The following PDE10A variants were observed in gnomAD, a reference collection of about 807,000 sequenced individuals.
PDE10A encodes the protein cAMP and cAMP-inhibited cGMP 3',5'-cyclic phosphodiesterase 10A.
Under a neutral mutation model 97.7 loss-of-function variants are expected in PDE10A, and 39 were observed. The ratio of observed to expected loss-of-function variants is 0.40; its 90% CI spans 0.31 to 0.52. PDE10A has a LOEUF of 0.52. Among genes scored for constraint, PDE10A ranks in the 20% least tolerant of loss-of-function variants. The pLI is 0.56. For missense variants in PDE10A, 731 were observed against 1,047.8 expected (o/e 0.70, Z 4.17); for synonymous variants, 371 against 376.8 (o/e 0.98, Z 0.18).
At chr6:165,647,756 C>T (rs930990946) in intron 1 of PDE10A, among the ~76,000 whole-genome samples, 3 of 152,180 alleles carry the variant, frequency 2.0e-5, no homozygotes, top group African/African-American at 4.8e-5. Flanking sequence ...CCCCTTTGGA[C>T]GTCACTTGCA....
intron 1 of PDE10A, among the ~76,000 whole-genome samples, chr6:165,597,342 A>G (rs80178737): frequency 0.014 from 2,171 of 152,290 alleles, 53 homozygotes; most frequent in African/African-American, 0.047. Flanking sequence ...TTCTTCTAAT[A>G]TAGAGTACTA....
intron 1 of PDE10A, among the ~76,000 whole-genome samples, chr6:165,693,337 C>A (rs908603957): frequency 2.0e-5 from 3 of 151,926 alleles, no homozygotes; most frequent in African/African-American, 7.3e-5. Context: ...TCAAGATCAG[C>A]CTGGCCAACA....
chr6:165,554,081 C>T (rs1338802896), intron 1 of PDE10A, among the ~76,000 whole-genome samples: 2 of 152,082 alleles, frequency 1.3e-5, no homozygotes, highest in African/African-American at 2.4e-5. Context: ...CAAATATAGG[C>T]TATTTTCCTT....
intron 10 of PDE10A, among the ~76,000 whole-genome samples, chr6:165,419,938 CACT>C (rs938713179): frequency 3.3e-5 from 5 of 152,282 alleles, no homozygotes; most frequent in South Asian, 4.1e-4. Flanking sequence ...CGTTTGTGCT[CACT>C]ACTACTATAG....
chr6:165,691,342 G>C (rs974070861), intron 1 of PDE10A, among the ~76,000 whole-genome samples: 3 of 151,168 alleles, frequency 2.0e-5, no homozygotes, highest in African/African-American at 4.9e-5. Flanking sequence ...TACATTTTCT[G>C]TATTTCCATA....
At chr6:165,442,285 C>T (rs963120098) in intron 5 of PDE10A, among the ~76,000 whole-genome samples, 4 of 151,972 alleles carry the variant, frequency 2.6e-5, no homozygotes, top group South Asian at 2.1e-4. Context: ...TAATGCTATC[C>T]CTCCCCGCTC....
chr6:165,386,159 GGTTT>G (rs1309226853), intron 17 of PDE10A, among the ~76,000 whole-genome samples: 1 of 152,040 alleles, frequency 6.6e-6, no homozygotes, highest in African/African-American at 2.4e-5. Context: ...CATCGCGGAG[GGTTT>G]GCCAAAATGG....
chr6:165,965,909 GT>G (rs1226888333), intron 1 of PDE10A, among the ~76,000 whole-genome samples: 1 of 152,162 alleles, frequency 6.6e-6, no homozygotes, highest in African/African-American at 2.4e-5. Flanking sequence ...CCTTTTGTGA[GT>G]TTTGGTCATA....
chr6:165,584,043 G>A (rs1785766342), intron 1 of PDE10A, among the ~76,000 whole-genome samples: 1 of 152,192 alleles, frequency 6.6e-6, no homozygotes, highest in Non-Finnish European at 1.5e-5. Flanking sequence ...ACTGGCTGGG[G>A]TGATTGATCC....
intron 1 of PDE10A, 34 bp from the exon 2 acceptor site, chr6:165,543,602 A>T (rs767334742): frequency 1.2e-5 from 18 of 1,550,710 alleles, no homozygotes; most frequent in Middle Eastern, 1.7e-4. Context: ...AAATTCACCT[A>T]TACAACATCC....
intron 1 of PDE10A, among the ~76,000 whole-genome samples, chr6:165,748,888 C>G (rs1399141885): frequency 6.6e-6 from 1 of 152,028 alleles, no homozygotes; most frequent in East Asian, 1.9e-4. Context: ...TTATATGAAC[C>G]TGTGGGACCA....
chr6:165,690,540 G>A (rs1378524806), intron 1 of PDE10A, among the ~76,000 whole-genome samples: 1 of 152,110 alleles, frequency 6.6e-6, no homozygotes, highest in Non-Finnish European at 1.5e-5. Flanking sequence ...TCAAAACCCT[G>A]CAATGACTCT....
At chr6:165,847,933 A>G (rs140549709) in intron 1 of PDE10A, among the ~76,000 whole-genome samples, 32 of 152,340 alleles carry the variant, frequency 2.1e-4, no homozygotes, top group African/African-American at 7.5e-4. Context: ...TTGCATTTCA[A>G]TAGCATAGGT....
At chr6:165,506,093 C>G (rs562942289) in intron 2 of PDE10A, among the ~76,000 whole-genome samples, 1 of 152,086 alleles carries the variant, frequency 6.6e-6, no homozygotes, top group African/African-American at 2.4e-5. Context: ...TTTTTCCATT[C>G]CCATAACAAC....
intron 2 of PDE10A, among the ~76,000 whole-genome samples, chr6:165,516,004 G>C (rs1781782743): frequency 6.6e-6 from 1 of 152,166 alleles, no homozygotes; most frequent in Non-Finnish European, 1.5e-5. Context: ...CGGTGAAACT[G>C]TAAATAAGAA....
intron 18 of PDE10A, among the ~76,000 whole-genome samples, chr6:165,369,019 C>G (rs1419931345): frequency 1.3e-5 from 2 of 151,940 alleles, no homozygotes; most frequent in Non-Finnish European, 2.9e-5. Flanking sequence ...GCTGAGGGTC[C>G]TGTCTGTTAG....
At chr6:165,599,905 T>C in intron 1 of PDE10A, among the ~76,000 whole-genome samples, 1 of 152,126 alleles carries the variant, frequency 6.6e-6, no homozygotes, top group East Asian at 1.9e-4. Flanking sequence ...GCTTTCTTTC[T>C]ACCCGGAGGC....
intron 1 of PDE10A, among the ~76,000 whole-genome samples, chr6:165,985,073 G>A (rs1366052583): frequency 6.6e-6 from 1 of 152,192 alleles, no homozygotes; most frequent in Non-Finnish European, 1.5e-5. Flanking sequence ...CTCGGCCCCT[G>A]CCACAGCCGA....
chr6:165,367,894 C>T (rs748396955), intron 18 of PDE10A, among the ~76,000 whole-genome samples: 26 of 151,878 alleles, frequency 1.7e-4, no homozygotes, highest in Admixed American at 6.6e-5. Flanking sequence ...TATTTGGGCT[C>T]AAATGAAATG....
Sources: allele counts gnomAD v4.1 joint callset (sites outside exome capture counted in the v4.1 genomes callset), GRCh38; gene constraint gnomAD v4.1.1; transcripts MANE v1.5; gene names NCBI Gene and HGNC (gene_info 2026-07-23, HGNC 2026-07-21).